The following ZNF250 variants were observed in gnomAD, a reference collection of about 807,000 sequenced individuals.
ZNF250 encodes zinc finger protein 250, also known as zinc finger protein (clone 647).
ZNF250 carries 13 observed loss-of-function variants against 37.1 expected under a neutral mutation model. The ratio of observed to expected loss-of-function variants is 0.35; its 90% CI spans 0.23 to 0.56. The LOEUF is 0.56. ZNF250 is among the 20% of genes least tolerant of loss of function. The probability of loss-of-function intolerance (pLI) is 0.87; values close to 1 mark genes in which losing one functional copy is unlikely to be tolerated. For synonymous variants in ZNF250, 251 were observed against 265.6 expected, an observed-to-expected ratio of 0.94 and a Z score of 0.54; for missense variants, 474 against 697.9, an observed-to-expected ratio of 0.68 and a Z score of 3.61.
In ZNF250 at chr8:144,882,321, T is replaced by C. The variant is rs775398512; in HGVS notation, c.862A>G (p.Thr288Ala). 2 of 1,613,804 alleles carry C rather than the reference T, an allele frequency of 1.2e-6. No individual in the cohort carries two copies. The highest frequency in any genetic ancestry group is 2.2e-5 in the South Asian group (2 of 91,048). ...HECLECRKAFTQLSHLIQHQR... is the reference protein window; with the variant it reads ...HECLECRKAFAQLSHLIQHQR... ...TGCTGAATGAGATGTGAGAGTTGAG[T>C]GAAGGCTTTCCGACACTCAAGACAT... The change falls in exon 6 of 6, where the codon ACT becomes GCT. Residue 288 changes from threonine (T) to alanine (A), a missense_variant. By Grantham distance (58) the Thr-to-Ala change is moderately conservative (BLOSUM62 0). Around this residue, in one of 2 missense-constraint regions of ZNF250, gnomAD observed 282 missense variants for 470.4 expected, o/e 0.60. Transcript: ENST00000417550. The surrounding 1 kb of genome is among the most constrained non-coding windows in gnomAD (Gnocchi z 5.5).
chr8:144,878,051 G>A lies in ZNF250; in HGVS notation c.*3464C>T, dbSNP rs929249497. ...AGGTTGGCAGCTTCCTTTCATAGAA[G>A]ATTTAAGATAGCACCACAGTGTTCT... On this transcript the variant is annotated 3_prime_UTR_variant, in exon 6 of 6. Coordinates refer to ENST00000417550, the MANE Select transcript of ZNF250 (RefSeq NM_001109689.4). The A allele has an allele frequency of 3.3e-5, 5 of 152,192 alleles. No homozygotes were observed. The highest frequency in any genetic ancestry group is 2.1e-4 in the South Asian group (1 of 4,822). 9.4% of individuals were successfully genotyped at this position (152,192 alleles called of 1,614,324 possible).
rs1832221989 is a variant in ZNF250 at position 144,890,182 on chromosome 8, T to C, written c.43-123A>G. On this transcript the variant is annotated intron_variant, in intron 2 of 5. Transcript: ENST00000417550. This position sits in a 1 kb window ranked among gnomAD's most constrained non-coding sequence, Gnocchi z 5.1. Reference sequence around the variant, plus strand: ...GGGCTCTGTGAGCTGAGGTGGGTGATGGGAAGGGGCCGCGGAGTTCAGGGC... The same window carrying C: ...GGGCTCTGTGAGCTGAGGTGGGTGACGGGAAGGGGCCGCGGAGTTCAGGGC... 1 of 1,518,696 alleles carries C rather than the reference T, an allele frequency of 6.6e-7. No homozygotes were observed. The highest frequency in any genetic ancestry group is 9.0e-7 in the Non-Finnish European group (1 of 1,115,466). 94.1% of individuals were successfully genotyped at this position (1,518,696 alleles called of 1,614,324 possible).
At chr8:144,884,221 C>G (rs1171104836) in intron 5 of ZNF250, among the ~76,000 whole-genome samples, 1 of 152,140 alleles carries the variant, frequency 6.6e-6, no homozygotes, top group African/African-American at 2.4e-5. Flanking sequence ...AGTTAAAATA[C>G]CATAGTTTAT....
intron 5 of ZNF250, among the ~76,000 whole-genome samples, chr8:144,886,122 A>G (rs530997751): frequency 3.4e-4 from 51 of 151,738 alleles, no homozygotes; most frequent in African/African-American, 1.1e-3. Flanking sequence ...AGTTTCCTGA[A>G]TGGGCGGCTT....
intron 1 of ZNF250, among the ~76,000 whole-genome samples, chr8:144,896,576 G>T (rs1283498356): frequency 6.6e-6 from 1 of 152,132 alleles, no homozygotes; most frequent in African/African-American, 2.4e-5. Flanking sequence ...GGGGGTGCCA[G>T]AAACTGGCTT....
chr8:144,896,169 G>T (rs980820385), intron 1 of ZNF250, among the ~76,000 whole-genome samples: 2 of 151,834 alleles, frequency 1.3e-5, no homozygotes, highest in Non-Finnish European at 2.9e-5. Context: ...AGAACACCCT[G>T]GACAATATAG....
rs564954934 is a variant in ZNF250 at position 144,884,696 on chromosome 8, G to C, written c.347-1860C>G. 2.1e-4 allele frequency among the ~76,000 whole-genome samples: 32 copies of C among 152,018 alleles called. No homozygotes were observed. The South Asian group carries it at 6.2e-3, about 30-fold the overall frequency. ...GGTGAACATAGGAATTCATGTTTTC[G>C]ATTTTTTTTTTCATTTTTTTTACCT... On this transcript the variant is annotated intron_variant, in intron 5 of 5. Coordinates refer to ENST00000417550, the MANE Select transcript of ZNF250 (RefSeq NM_001109689.4).
chr8:144,881,539 G>A lies in ZNF250; in HGVS notation c.1644C>T (p.His548=). The change falls in exon 6 of 6, where the codon CAC becomes CAT. Residue 548 remains histidine, a synonymous_variant. Transcript: ENST00000417550. ...GTCACAACTTTCTGTGCACTTTCTGGTGCTGGATTAGGTGGCCATGCTGGT... is the reference window on the plus strand; with the variant it reads ...GTCACAACTTTCTGTGCACTTTCTGATGCTGGATTAGGTGGCCATGCTGGT... ...AFNQHGHLIQ[H]QKVHRKL 2 of 1,597,816 alleles carry A rather than the reference G, an allele frequency of 1.3e-6. No homozygotes were observed. Among genetic ancestry groups the A allele is most frequent in the East Asian group, 4.5e-5 (2 of 44,534 alleles).
intron 5 of ZNF250, among the ~76,000 whole-genome samples, chr8:144,884,077 G>A (rs891578412): frequency 2.4e-4 from 37 of 151,944 alleles, no homozygotes; most frequent in Admixed American, 1.6e-3. Context: ...ACTTAGTTAT[G>A]CGTGTTTCTG....
In ZNF250 at chr8:144,887,252, C is replaced by CAAAAAAAAAA. The variant is rs56677445; in HGVS notation, c.284-360_284-351dup. Among the ~76,000 whole-genome samples, 89 of 63,080 alleles carry CAAAAAAAAAA rather than the reference C, an allele frequency of 1.4e-3. 6 individuals are homozygous for CAAAAAAAAAA. The highest frequency in any genetic ancestry group is 6.4e-3 in the African/African-American group (84 of 13,220). 41.4% of individuals were successfully genotyped at this position (63,080 alleles called of 152,430 possible). On this transcript the variant is annotated intron_variant, in intron 4 of 5. Coordinates refer to ENST00000417550, the MANE Select transcript of ZNF250 (RefSeq NM_001109689.4). ...GGGGACAGAGTGAAACTCCGTCTCT[C>CAAAAAAAAAA]AAAAAAAAAAAAAAAAAAAAAAAAA...
rs114380301 is a variant in ZNF250, at chr8:144,894,415, T to C, written c.-54-4012A>G. 3.4e-3 allele frequency among the ~76,000 whole-genome samples: 516 copies of C among 152,088 alleles called. 4 individuals are homozygous for C. The highest frequency in any genetic ancestry group is 0.012 in the African/African-American group (493 of 41,468). On this transcript the variant is annotated intron_variant, in intron 1 of 5. Transcript: ENST00000417550. Reference sequence around the variant, plus strand: ...TATGGGCATGCCCCAAACTTTGTGATTTTCCTCAGAGCCCTGCAGCCCTTT... The same window carrying C: ...TATGGGCATGCCCCAAACTTTGTGACTTTCCTCAGAGCCCTGCAGCCCTTT...
chr8:144,890,486 C>G lies in ZNF250; in HGVS notation c.-54-83G>C. The stretch of plus-strand genomic sequence containing the variant: ...GGGCCCTCAGGGGATCCCTGGGCCT[C>G]ATTCAGAGTCACTGAGGGGCACACT... On this transcript the variant is annotated intron_variant, in intron 1 of 5. Transcript: ENST00000417550. This position sits in a 1 kb window ranked among gnomAD's most constrained non-coding sequence, Gnocchi z 5.1. The G allele has an allele frequency of 1.3e-6, 1 of 786,258 alleles. No individual in the cohort carries two copies. The highest frequency in any genetic ancestry group is 1.9e-6 in the Non-Finnish European group (1 of 535,046). 48.7% of individuals were successfully genotyped at this position (786,258 alleles called of 1,614,324 possible).
At chr8:144,895,638 G>A (rs1216287289) in intron 1 of ZNF250, among the ~76,000 whole-genome samples, 1 of 152,012 alleles carries the variant, frequency 6.6e-6, no homozygotes, top group East Asian at 1.9e-4. Context: ...CTGCCACCTG[G>A]GGTGAGTCTT....
intron 5 of ZNF250, among the ~76,000 whole-genome samples, chr8:144,884,709 AT>A (rs1171123922): frequency 1.3e-5 from 2 of 150,496 alleles, no homozygotes; most frequent in Admixed American, 6.6e-5. Context: ...TTTTTTTTTC[AT>A]TTTTTTTACC....
At chr8:144,887,529 G>A (rs1261776378) in intron 4 of ZNF250, among the ~76,000 whole-genome samples, 1 of 152,078 alleles carries the variant, frequency 6.6e-6, no homozygotes, top group Admixed American at 6.6e-5. Context: ...TGTGTTAGAG[G>A]TGAGGGGACC....
chr8:144,896,682 T>C (rs1832748505), intron 1 of ZNF250, among the ~76,000 whole-genome samples: 1 of 152,198 alleles, frequency 6.6e-6, no homozygotes. Flanking sequence ...AGGAGGATGA[T>C]GTGGACAGTT....
At position 144,880,755 on chromosome 8, in the gene ZNF250, T is replaced by C. The variant is rs997126375; in HGVS notation, c.*760A>G. 6.9e-6 allele frequency: 2 copies of C among 289,156 alleles called. No individual in the cohort carries two copies. Among genetic ancestry groups the C allele is most frequent in the African/African-American group, 2.2e-5 (1 of 45,924 alleles). The allele number at this position is 289,156 out of a possible 1,614,324, so 17.9% of individuals were successfully genotyped here. A position where few individuals can be genotyped will look rare whatever the true frequency, so the allele number is the denominator to read the frequency against. ...GGCGCATATCTATAATCCTAGTTAC[T>C]TGGGAGACTGAGGCACAAGAAAAGC... is the stretch of plus-strand genomic sequence containing the variant. On this transcript the variant is annotated 3_prime_UTR_variant, in exon 6 of 6. Transcript: ENST00000417550.
At position 144,880,177 on chromosome 8, in the gene ZNF250, T is replaced by C. The variant is rs943488051; in HGVS notation, c.*1338A>G. The C allele has an allele frequency of 5.4e-5, 12 of 220,788 alleles. No individual in the cohort carries two copies. In the South Asian group the frequency reaches 6.4e-4, roughly 12 times the overall value. The allele number at this position is 220,788 out of a possible 1,614,324, so 13.7% of individuals were successfully genotyped here. ...ATCATAGTAATATGGCAATGGATAC[T>C]GGACTCTTGAACCAGGAGTAAAAAA... On this transcript the variant is annotated 3_prime_UTR_variant, in exon 6 of 6. Transcript: ENST00000417550.
chr8:144,887,956 G>A (rs1832013471), intron 4 of ZNF250, among the ~76,000 whole-genome samples: 2 of 152,206 alleles, frequency 1.3e-5, no homozygotes, highest in Admixed American at 1.3e-4. Context: ...CTTTCAAGGG[G>A]AAAACCACCA....
Sources: gnomAD v4.1 joint callset for allele counts (sites outside exome capture counted in the v4.1 genomes callset) on GRCh38, gnomAD v4.1.1 for gene constraint, gnomAD v4.1.1 regional missense constraint, Gnocchi (gnomAD v3.1) non-coding constraint, MANE v1.5 for transcripts, NCBI Gene and HGNC (gene_info 2026-07-23, HGNC 2026-07-21) for gene names.